Variants in RGS7 observed in about 807,000 individuals in gnomAD.
RGS7 encodes regulator of G-protein signaling 7.
In RGS7, 27 loss-of-function variants were observed where a neutral mutation model predicts 81.1. The observed-to-expected ratio is 0.33, with a 90% CI of 0.25 to 0.46. The LOEUF is 0.46. Ranked by LOEUF, RGS7 falls within the 20% of genes least tolerant of loss-of-function variation. The pLI is 1.00. For synonymous variants in RGS7, 208 were observed against 207.7 expected (o/e 1.00, Z -0.01); for missense variants, 396 against 607.4 (o/e 0.65, Z 3.66).
intron 2 of RGS7, among the ~76,000 whole-genome samples, chr1:241,126,369 G>A (rs1193167995): frequency 1.3e-5 from 2 of 151,954 alleles, no homozygotes; most frequent in Non-Finnish European, 2.9e-5. Context: ...GGCTGGTCTC[G>A]AACTCCCGAC....
At chr1:240,801,218 T>G (rs2103051559) in intron 17 of RGS7, among the ~76,000 whole-genome samples, 1 of 152,296 alleles carries the variant, frequency 6.6e-6, no homozygotes, top group East Asian at 1.9e-4. Flanking sequence ...TAATATAAAC[T>G]TCTTTCCAAA....
chr1:241,058,634 T>C (rs372082588), intron 3 of RGS7, among the ~76,000 whole-genome samples: 9 of 152,216 alleles, frequency 5.9e-5, no homozygotes, highest in African/African-American at 2.2e-4. Context: ...TATAGCAATG[T>C]TAGCTTGTCT....
At chr1:241,285,700 A>G (rs2078769094) in intron 2 of RGS7, among the ~76,000 whole-genome samples, 2 of 152,300 alleles carry the variant, frequency 1.3e-5, no homozygotes, top group Middle Eastern at 6.8e-3. Context: ...CAAACAGTAT[A>G]CTAGAACTGT....
At chr1:241,110,943 C>T (rs1336618486) in intron 2 of RGS7, among the ~76,000 whole-genome samples, 1 of 152,062 alleles carries the variant, frequency 6.6e-6, no homozygotes, top group African/African-American at 2.4e-5. Context: ...CCCCAGCCTC[C>T]CAAAGCTCTG....
intron 3 of RGS7, among the ~76,000 whole-genome samples, chr1:241,029,976 C>T (rs774190981): frequency 4.6e-5 from 7 of 152,140 alleles, no homozygotes; most frequent in Admixed American, 1.3e-4. Flanking sequence ...ACACCAATGA[C>T]GGTTCTGCAG....
In RGS7 at chr1:240,810,032, A is replaced by G. The variant is rs541863025; in HGVS notation, c.1082+1886T>C. On this transcript the variant is annotated intron_variant, in intron 14 of 18. Coordinates refer to ENST00000440928, the MANE Select transcript of RGS7 (RefSeq NM_001364886.1). ...AATTCATGCCTGAAACCTAGTATGCACATGCTATCCTCTTTTTCCAAAGGC... is the reference window on the plus strand; with the variant it reads ...AATTCATGCCTGAAACCTAGTATGCGCATGCTATCCTCTTTTTCCAAAGGC... Among the ~76,000 whole-genome samples the G allele has an allele frequency of 5.7e-4, 87 of 152,324 alleles. 1 individual carries two copies. In the South Asian group the frequency reaches 0.018, roughly 31 times the overall value.
intron 6 of RGS7, among the ~76,000 whole-genome samples, chr1:240,912,815 G>A (rs1671990219): frequency 6.6e-6 from 1 of 152,022 alleles, no homozygotes; most frequent in Non-Finnish European, 1.5e-5. Context: ...TACTACATGA[G>A]TAATAATGTA....
intron 2 of RGS7, among the ~76,000 whole-genome samples, chr1:241,112,141 G>A (rs1486096328): frequency 2.6e-5 from 4 of 152,136 alleles, no homozygotes; most frequent in Non-Finnish European, 5.9e-5. Context: ...GCACTACTCT[G>A]CTTCCACTGA....
intron 2 of RGS7, among the ~76,000 whole-genome samples, chr1:241,154,758 GGAGA>G (rs1353691569): frequency 6.6e-6 from 1 of 152,194 alleles, no homozygotes; most frequent in Non-Finnish European, 1.5e-5. Flanking sequence ...AGGGCAAAGA[GGAGA>G]GAGAAATGGC....
intron 10 of RGS7, among the ~76,000 whole-genome samples, chr1:240,821,544 G>A (rs1691815706): frequency 1.3e-5 from 2 of 152,164 alleles, no homozygotes; most frequent in Non-Finnish European, 2.9e-5. Flanking sequence ...ACACACTTTT[G>A]TGTTGTTCTA....
At chr1:241,218,556 T>C (rs539080997) in intron 2 of RGS7, among the ~76,000 whole-genome samples, 54 of 152,350 alleles carry the variant, frequency 3.5e-4, no homozygotes, top group African/African-American at 1.3e-3. Flanking sequence ...AGAGGGGCTG[T>C]TGAAACAGAC....
At chr1:241,138,817 T>C (rs1412846892) in intron 2 of RGS7, among the ~76,000 whole-genome samples, 2 of 152,180 alleles carry the variant, frequency 1.3e-5, no homozygotes, top group Non-Finnish European at 2.9e-5. Context: ...TCATAATATA[T>C]GCTTTTTTTA....
chr1:241,167,511 T>C (rs574866783), intron 2 of RGS7, among the ~76,000 whole-genome samples: 3 of 151,914 alleles, frequency 2.0e-5, no homozygotes, highest in African/African-American at 7.2e-5. Context: ...CTGTACTCTT[T>C]GGTCCTCCTC....
chr1:240,972,620 G>A (rs61834128), intron 4 of RGS7, among the ~76,000 whole-genome samples: 17 of 141,092 alleles, frequency 1.2e-4, no homozygotes, highest in South Asian at 2.4e-4. Flanking sequence ...TGGGTGCAGC[G>A]CACCAGCATG....
At chr1:241,151,587 T>TA (rs1553269642) in intron 2 of RGS7, among the ~76,000 whole-genome samples, 1 of 148,502 alleles carries the variant, frequency 6.7e-6, no homozygotes, top group Non-Finnish European at 1.5e-5. Context: ...TTTTTTTTTT[T>TA]ACTTTAAGTT....
chr1:240,936,169 T>C (rs1193614197), intron 5 of RGS7, among the ~76,000 whole-genome samples: 1 of 152,218 alleles, frequency 6.6e-6, no homozygotes, highest in Non-Finnish European at 1.5e-5. Flanking sequence ...TACAGATTTG[T>C]AGAAGAGCCT....
intron 18 of RGS7, among the ~76,000 whole-genome samples, chr1:240,794,015 T>C (rs530807812): frequency 6.6e-6 from 1 of 152,254 alleles, no homozygotes; most frequent in South Asian, 2.1e-4. Flanking sequence ...ACAAAGGCTT[T>C]CTTTAAGGTA....
intron 2 of RGS7, among the ~76,000 whole-genome samples, chr1:241,322,621 CAT>C (rs1365376109): frequency 6.6e-6 from 1 of 152,180 alleles, no homozygotes. Flanking sequence ...TGTTGTCTCT[CAT>C]GTGTAACCTG....
chr1:241,025,497 T>G (rs1304252580), intron 3 of RGS7, among the ~76,000 whole-genome samples: 1 of 152,214 alleles, frequency 6.6e-6, no homozygotes, highest in African/African-American at 2.4e-5. Flanking sequence ...TGAAGCCACA[T>G]TGTGACCACC....
Sources: gnomAD v4.1 joint callset for allele counts (sites outside exome capture counted in the v4.1 genomes callset) on GRCh38, gnomAD v4.1.1 for gene constraint, MANE v1.5 for transcripts, NCBI Gene and HGNC (gene_info 2026-07-23, HGNC 2026-07-21) for gene names.